Variants in SCGN observed in about 807,000 individuals in gnomAD.
SCGN encodes secretagogin.
A neutral mutation model predicts 39.7 loss-of-function variants in SCGN; 30 were observed. The ratio of observed to expected loss-of-function variants is 0.76; its 90% confidence interval spans 0.57 to 1.03. The LOEUF is 1.03. Ranked by LOEUF, SCGN falls within the 50% of genes least tolerant of loss-of-function variation. The pLI is 0.00. For synonymous variants in SCGN, 106 were observed against 114.1 expected (o/e 0.93, Z 0.45); for missense variants, 353 against 349.4 (o/e 1.01, Z -0.08).
intron 4 of SCGN, among the ~76,000 whole-genome samples, chr6:25,667,267 C>A (rs1561763087): frequency 6.6e-6 from 1 of 151,896 alleles, no homozygotes; most frequent in Non-Finnish European, 1.5e-5. Flanking sequence ...CTTATCTTAT[C>A]TTTTTTTTAA....
intron 7 of SCGN, 28 bp downstream of exon 7, chr6:25,682,034 A>T (rs3765236): frequency 6.5e-7 from 1 of 1,540,236 alleles, no homozygotes; most frequent in South Asian, 1.1e-5. Flanking sequence ...GATATCATAC[A>T]TTCAGAAATA....
At chr6:25,675,145 T>A (rs957748793) in intron 6 of SCGN, among the ~76,000 whole-genome samples, 2 of 152,252 alleles carry the variant, frequency 1.3e-5, no homozygotes. Context: ...TCTAACGTTC[T>A]CTGGAGACTT....
At position 25,676,468 on chromosome 6, in the gene SCGN, ATACT is replaced by A. The variant is rs1211293523; in HGVS notation, c.472-5481_472-5478del. On this transcript the variant is annotated intron_variant, in intron 6 of 10. Transcript: ENST00000377961. ...TAGTCTTGCCACACTATTACCTGAC[ATACT>A]TTTGGTTACTCTGACATGCATGTAT... 2.6e-5 allele frequency among the ~76,000 whole-genome samples: 4 copies of A among 152,332 alleles called. No individual in the cohort carries two copies. In the East Asian group the frequency reaches 7.7e-4, roughly 29 times the overall value.
intron 6 of SCGN, among the ~76,000 whole-genome samples, chr6:25,674,291 A>G (rs1434492910): frequency 1.3e-5 from 2 of 152,238 alleles, no homozygotes. Context: ...ATCAGAAGAC[A>G]AAATGAGTTC....
chr6:25,669,457 A>C (rs377621599), intron 4 of SCGN, 54 bp from the exon 5 acceptor site: 9 of 1,447,212 alleles, frequency 6.2e-6, no homozygotes, highest in Admixed American at 1.7e-5. Context: ...GATACCACAT[A>C]ATTATTCCAA....
In SCGN at chr6:25,684,364, C is replaced by T. The variant is rs1242634702; in HGVS notation, c.527+2358C>T. ...ATTGGTTCCAGAACCTCCGCGGATA[C>T]CAGATACCCAAATCCTCGGATGTTC... On this transcript the variant is annotated intron_variant, in intron 7 of 10. Coordinates refer to ENST00000377961, the MANE Select transcript of SCGN (RefSeq NM_006998.4). Among the ~76,000 whole-genome samples, 5 of 152,312 alleles carry T rather than the reference C, an allele frequency of 3.3e-5. No homozygotes were observed. In the East Asian group the frequency reaches 7.7e-4, roughly 23 times the overall value.
At chr6:25,662,793 A>G (rs1219631553) in intron 3 of SCGN, among the ~76,000 whole-genome samples, 1 of 152,238 alleles carries the variant, frequency 6.6e-6, no homozygotes, top group Non-Finnish European at 1.5e-5. Flanking sequence ...TGGATGTAAA[A>G]GTATCAATGT....
chr6:25,689,386 T>C (rs549757682), intron 8 of SCGN, 87 bp from the exon 9 acceptor site: 2 of 1,323,052 alleles, frequency 1.5e-6, no homozygotes, highest in African/African-American at 1.5e-5. Flanking sequence ...TGACTCAAAG[T>C]TTACAAAATT....
At chr6:25,688,808 A>G (rs1759738574) in intron 7 of SCGN, among the ~76,000 whole-genome samples, 1 of 151,842 alleles carries the variant, frequency 6.6e-6, no homozygotes. Flanking sequence ...TCTCAAAAAA[A>G]AAAAAAAGAT....
intron 9 of SCGN, among the ~76,000 whole-genome samples, 200 bp downstream of exon 9, chr6:25,689,732 T>C (rs577885134): frequency 6.6e-6 from 1 of 152,270 alleles, no homozygotes; most frequent in East Asian, 1.9e-4. Flanking sequence ...GTACACATGG[T>C]TGAGAAGAGA....
intron 10 of SCGN, 23 bp from the exon 11 acceptor site, chr6:25,701,184 C>T (rs1375421546): frequency 6.3e-7 from 1 of 1,599,134 alleles, no homozygotes; most frequent in Non-Finnish European, 8.5e-7. Flanking sequence ...TGCCTGTTAA[C>T]ATGTTACTTT....
chr6:25,658,169 A>G (rs1293948483), intron 2 of SCGN, among the ~76,000 whole-genome samples: 1 of 150,504 alleles, frequency 6.6e-6, no homozygotes, highest in Non-Finnish European at 1.5e-5. Flanking sequence ...CCTCCCGAGT[A>G]GCTGGGACTA....
At chr6:25,667,847 C>A (rs12524429) in intron 4 of SCGN, among the ~76,000 whole-genome samples, 40,166 of 151,988 alleles carry the variant, frequency 0.26, 5,315 homozygotes, top group Non-Finnish European at 0.27. Flanking sequence ...AGTAAAACTA[C>A]ACAATAATTT....
chr6:25,656,510 C>A (rs1263397026), intron 2 of SCGN, among the ~76,000 whole-genome samples: 2 of 152,212 alleles, frequency 1.3e-5, no homozygotes, highest in African/African-American at 4.8e-5. Flanking sequence ...TTACTCCCTG[C>A]AAACCTTTTC....
At chr6:25,670,156 G>A (rs926134428) in intron 6 of SCGN, 80 bp downstream of exon 6, 5 of 983,186 alleles carry the variant, frequency 5.1e-6, no homozygotes, top group Non-Finnish European at 8.1e-6. Flanking sequence ...GTCTGCTAGA[G>A]AGTTCGTCCT....
intron 4 of SCGN, among the ~76,000 whole-genome samples, chr6:25,668,448 T>C (rs1205006075): frequency 1.3e-5 from 2 of 152,226 alleles, no homozygotes; most frequent in African/African-American, 4.8e-5. Context: ...AGGAGTAGCT[T>C]ATAACTGGGA....
intron 1 of SCGN, among the ~76,000 whole-genome samples, chr6:25,653,005 A>T (rs1188251430): frequency 6.6e-6 from 1 of 152,252 alleles, no homozygotes; most frequent in Non-Finnish European, 1.5e-5. Context: ...GAAATAAAAT[A>T]TCTAAAAGGT....
intron 7 of SCGN, among the ~76,000 whole-genome samples, chr6:25,683,415 G>A (rs946350898): frequency 2.6e-5 from 4 of 152,170 alleles, no homozygotes; most frequent in African/African-American, 4.8e-5. Context: ...AGTTGTGCAC[G>A]TCTCAGAGGT....
chr6:25,664,627 G>C (rs1404476690), intron 3 of SCGN, among the ~76,000 whole-genome samples: 12 of 152,168 alleles, frequency 7.9e-5, no homozygotes, highest in Non-Finnish European at 2.9e-5. Flanking sequence ...TCTTAGAATA[G>C]TGCCTGGAAC....
Sources: allele counts gnomAD v4.1 joint callset (sites outside exome capture counted in the v4.1 genomes callset), GRCh38; gene constraint gnomAD v4.1.1; transcripts MANE v1.5; gene names NCBI Gene and HGNC (gene_info 2026-07-23, HGNC 2026-07-21).